Variants in CYBA observed in about 807,000 individuals in gnomAD.
CYBA encodes the protein cytochrome b-245 light chain.
Under a neutral mutation model 20.8 loss-of-function variants are expected in CYBA, and 21 were observed. That is an observed-to-expected ratio of 1.01 (90% CI 0.72 to 1.46). CYBA has a LOEUF of 1.46. CYBA is among the 40% of genes most tolerant of loss of function. The pLI, the probability that CYBA is intolerant of heterozygous loss-of-function variation, is 0.00. For synonymous variants in CYBA, 164 were observed against 127.5 expected, an observed-to-expected ratio of 1.29 and a Z score of -1.93; for missense variants, 344 against 287.0, an observed-to-expected ratio of 1.20 and a Z score of -1.43.
At chr16:88,644,685 C>G (rs901936973) in intron 5 of CYBA, 1 of 174,176 alleles carries the variant, frequency 5.7e-6, no homozygotes, top group Non-Finnish European at 1.3e-5. Flanking sequence ...ATTAGCCAGG[C>G]ATGGTGGCAC....
Position 88,643,725 on chromosome 16 carries a change from C to T in CYBA, c.370-154G>A, listed in dbSNP as rs910922498. 11 of 750,242 alleles carry T rather than the reference C, an allele frequency of 1.5e-5. No homozygotes were observed. Among genetic ancestry groups the T allele is most frequent in the East Asian group, 1.2e-4 (4 of 34,538 alleles). The allele number at this position is 750,242 out of a possible 1,614,324, so 46.5% of individuals were successfully genotyped here. A position where few individuals can be genotyped will look rare whatever the true frequency, so the allele number is the denominator to read the frequency against. On this transcript the variant is annotated intron_variant, in intron 5 of 5. Transcript: ENST00000261623. This position sits in a 1 kb window ranked among gnomAD's most constrained non-coding sequence, Gnocchi z 4.3. The stretch of plus-strand genomic sequence containing the variant: ...ACTGCCACTCAGAGAGGTTAAGTGA[C>T]GCGCCCGAGGCCACACAGCCAGGAC...
intron 3 of CYBA, 127 bp from the exon 4 acceptor site, chr16:88,646,965 C>G: frequency 8.5e-7 from 1 of 1,180,784 alleles, no homozygotes; most frequent in South Asian, 1.3e-5. Flanking sequence ...GGGCAGGCAC[C>G]GGCCTTGGTT....
intron 2 of CYBA, chr16:88,647,566 G>A: frequency 2.7e-6 from 1 of 366,488 alleles, no homozygotes; most frequent in Non-Finnish European, 5.3e-6. Flanking sequence ...ACTGCCTGAG[G>A]TCACAGAGCC....
At chr16:88,647,809 ACC>A in intron 2 of CYBA, 1 of 598,834 alleles carries the variant, frequency 1.7e-6, no homozygotes, top group African/African-American at 1.8e-5. Flanking sequence ...CTCTGGTGAC[ACC>A]CCCTGCCCAC....
intron 5 of CYBA, chr16:88,645,847 A>G (rs1907256848): frequency 3.6e-6 from 2 of 562,476 alleles, no homozygotes; most frequent in South Asian, 2.2e-5. Flanking sequence ...CTTTGTCTGT[A>G]AAGTGGGGAC....
In CYBA at chr16:88,650,859, C is replaced by T. The variant is rs527724732; in HGVS notation, c.58+97G>A. 2.1e-4 allele frequency: 279 copies of T among 1,344,548 alleles called. 1 individual carries two copies. The African/African-American group carries it at 3.5e-3, about 17-fold the overall frequency. The allele number at this position is 1,344,548 out of a possible 1,614,324, so 83.3% of individuals were successfully genotyped here. A position where few individuals can be genotyped will look rare whatever the true frequency, so the allele number is the denominator to read the frequency against. On this transcript the variant is annotated intron_variant, in intron 1 of 5. Transcript: ENST00000261623. Reference sequence around the variant, plus strand: ...CCGGCCCGGCCTGGCCCGCCTGGCGCCCCACTTCCCCACCCTGTAAGTAGC... The same window carrying T: ...CCGGCCCGGCCTGGCCCGCCTGGCGTCCCACTTCCCCACCCTGTAAGTAGC...
chr16:88,643,611 G>GGGGGCCC lies in CYBA; in HGVS notation c.370-41_370-40insGGGCCCC. On this transcript the variant is annotated intron_variant, in intron 5 of 5. Coordinates refer to ENST00000261623, the MANE Select transcript of CYBA (RefSeq NM_000101.4). This position sits in a 1 kb window ranked among gnomAD's most constrained non-coding sequence, Gnocchi z 4.3. ...AGGGTTGAGCCGCGCCCCAGCGCCCGCCCTCCCTCCCTCCCTCCCTCCCCG... is the reference window on the plus strand; with the variant it reads ...AGGGTTGAGCCGCGCCCCAGCGCCCGGGGGCCCCCCTCCCTCCCTCCCTCCCTCCCCG... 8.0e-7 allele frequency: 1 copy of GGGGGCCC among 1,245,228 alleles called. No homozygotes were observed. The highest frequency in any genetic ancestry group is 2.9e-5 in the Admixed American group (1 of 33,916). The allele number at this position is 1,245,228 out of a possible 1,614,324, so 77.1% of individuals were successfully genotyped here.
chr16:88,646,529 T>C (rs748300004), intron 4 of CYBA: 9 of 699,744 alleles, frequency 1.3e-5, no homozygotes, highest in Non-Finnish European at 1.8e-5. Context: ...CCCCAGACCC[T>C]GGCGACGGAT....
intron 1 of CYBA, chr16:88,650,308 G>A (rs1198365319): frequency 2.2e-6 from 1 of 448,204 alleles, no homozygotes; most frequent in South Asian, 1.6e-5. Flanking sequence ...ATTTCCAAAT[G>A]GAGTCCGCTG....
At chr16:88,649,213 A>G (rs1032125931) in intron 1 of CYBA, among the ~76,000 whole-genome samples, 6 of 152,230 alleles carry the variant, frequency 3.9e-5, no homozygotes, top group Non-Finnish European at 8.8e-5. Flanking sequence ...CTAGGATTAC[A>G]GGTGTAGCCA....
At position 88,645,795 on chromosome 16, in the gene CYBA, G is replaced by A. The variant is rs532993218; in HGVS notation, c.369+321C>T. 3.9e-5 allele frequency: 21 copies of A among 543,100 alleles called. 1 individual carries two copies. The highest frequency in any genetic ancestry group is 1.3e-4 in the African/African-American group (7 of 53,096). 33.6% of individuals were successfully genotyped at this position (543,100 alleles called of 1,614,324 possible). On this transcript the variant is annotated intron_variant, in intron 5 of 5. Coordinates refer to ENST00000261623, the MANE Select transcript of CYBA (RefSeq NM_000101.4). The stretch of plus-strand genomic sequence containing the variant: ...GCAGGCACGGTCTTCGGCCGGCTGC[G>A]TGACCCCAGGCCAGTCACAGCACCT...
At position 88,647,193 on chromosome 16, in the gene CYBA, A is replaced by C; in HGVS notation, c.129-18T>G. On this transcript the variant is annotated intron_variant, in intron 2 of 5. Coordinates refer to ENST00000261623, the MANE Select transcript of CYBA (RefSeq NM_000101.4). ...CCGCCACACTGAAGCCATGTGGTTAAGGAACAGCCCAGCTCAGCCTGAGGG... is the reference window on the plus strand; with the variant it reads ...CCGCCACACTGAAGCCATGTGGTTACGGAACAGCCCAGCTCAGCCTGAGGG... 6.2e-7 allele frequency: 1 copy of C among 1,610,776 alleles called. No individual in the cohort carries two copies. Among genetic ancestry groups the C allele is most frequent in the Non-Finnish European group, 8.5e-7 (1 of 1,179,506 alleles).
intron 1 of CYBA, among the ~76,000 whole-genome samples, chr16:88,649,337 G>A (rs778146979): frequency 7.2e-5 from 11 of 152,176 alleles, no homozygotes; most frequent in East Asian, 5.8e-4. Flanking sequence ...TGTCTGCGTC[G>A]GAGGAGGGGA....
intron 1 of CYBA, among the ~76,000 whole-genome samples, chr16:88,649,543 CT>C (rs1167485221): frequency 6.6e-6 from 1 of 152,266 alleles, no homozygotes. Flanking sequence ...CAAGGCCCTG[CT>C]GTCTCCGGGC....
intron 1 of CYBA, chr16:88,650,584 A>C: frequency 2.0e-6 from 1 of 509,652 alleles, no homozygotes; most frequent in Non-Finnish European, 3.8e-6. Context: ...GCTTCTCCCG[A>C]TGCCCAGGCC....
chr16:88,646,837 C>T lies in CYBA; in HGVS notation c.205G>A (p.Gly69Arg), dbSNP rs1205956230. Residue 69 changes from glycine (G) to arginine (R), a missense_variant and splice_region_variant, in exon 4 of 6, where the codon GGA (glycine) becomes AGA (arginine). Physicochemically the swap from Gly to Arg is moderately radical, Grantham distance 125. Coordinates refer to ENST00000261623, the MANE Select transcript of CYBA (RefSeq NM_000101.4). ...RKKGSTMERW[G>R]QKYMTAVVKL... ...ACCACGGCGGTCATGTACTTCTGTC[C>T]CCTGGGGGAGGGAGGAAGGCGAGAC... 2 of 1,612,972 alleles carry T rather than the reference C, an allele frequency of 1.2e-6. No individual in the cohort carries two copies. Among genetic ancestry groups the T allele is most frequent in the South Asian group, 2.2e-5 (2 of 91,082 alleles).
In CYBA at chr16:88,650,964, G is replaced by T. The variant is rs751574040; in HGVS notation, c.50C>A (p.Ser17Tyr). Residue 17 changes from serine (S) to tyrosine (Y), a missense_variant, in exon 1 of 6, where the codon TCC becomes TAC. Ser to Tyr is a moderately radical substitution (Grantham distance 144). Coordinates refer to ENST00000261623, the MANE Select transcript of CYBA (RefSeq NM_000101.4). ...CCCTGACGTGCACTCACTCAGGCCG[G>T]ACGCCAGCGCCTGTTCGTTGGCCCA... is the stretch of plus-strand genomic sequence containing the variant. ...AMWANEQALA[S>Y]GLILITGGIV... is the part of the protein sequence containing the mutation. 6.3e-7 allele frequency: 1 copy of T among 1,593,132 alleles called. No individual in the cohort carries two copies. The highest frequency in any genetic ancestry group is 8.5e-7 in the Non-Finnish European group (1 of 1,171,296).
chr16:88,643,711 G>C lies in CYBA; in HGVS notation c.370-140C>G. The C allele has an allele frequency of 1.2e-6, 1 of 829,278 alleles. No homozygotes were observed. The allele number at this position is 829,278 out of a possible 1,614,324, so 51.4% of individuals were successfully genotyped here. The stretch of plus-strand genomic sequence containing the variant: ...CGCAGGATGGTGTGACTGCCACTCA[G>C]AGAGGTTAAGTGACGCGCCCGAGGC... On this transcript the variant is annotated intron_variant, in intron 5 of 5. Coordinates refer to ENST00000261623, the MANE Select transcript of CYBA (RefSeq NM_000101.4). The surrounding 1 kb of genome is among the most constrained non-coding windows in gnomAD (Gnocchi z 4.3).
chr16:88,645,007 G>A (rs1455728477), intron 5 of CYBA: 2 of 614,366 alleles, frequency 3.3e-6, no homozygotes, highest in African/African-American at 3.7e-5. Context: ...AGAAAGCCTA[G>A]TGCATGGTGG....
Sources: allele counts gnomAD v4.1 joint callset (sites outside exome capture counted in the v4.1 genomes callset), GRCh38; gene constraint gnomAD v4.1.1; non-coding constraint Gnocchi (gnomAD v3.1); transcripts MANE v1.5; gene names NCBI Gene and HGNC (gene_info 2026-07-23, HGNC 2026-07-21).